GTF3C5: variants seen among roughly 807,000 people sequenced by gnomAD.
The protein encoded by GTF3C5 is general transcription factor 3C polypeptide 5.
In GTF3C5, 47 loss-of-function variants were observed where a neutral mutation model predicts 61.0. The observed-to-expected ratio is 0.77, with a 90% CI of 0.61 to 0.98. GTF3C5 has a LOEUF of 0.98. Ranked by LOEUF, GTF3C5 falls within the 50% of genes least tolerant of loss-of-function variation. The probability of loss-of-function intolerance (pLI) is 0.00; values close to 1 mark genes in which losing one functional copy is unlikely to be tolerated. For missense variants in GTF3C5, 659 were observed against 703.3 expected, an observed-to-expected ratio of 0.94 and a Z score of 0.71; for synonymous variants, 295 against 275.4, an observed-to-expected ratio of 1.07 and a Z score of -0.71.
Position 133,033,258 on chromosome 9 carries a change from G to A in GTF3C5, c.153+2094G>A, listed in dbSNP as rs147365728. Reference sequence around the variant, plus strand: ...AAACACGAGGGTCAAAGGAACCACGGGGGGCATCTCTTACTCTACGGTGTC... The same window carrying A: ...AAACACGAGGGTCAAAGGAACCACGAGGGGCATCTCTTACTCTACGGTGTC... On this transcript the variant is annotated intron_variant, in intron 1 of 10. Transcript: ENST00000372097. 3.3e-4 allele frequency among the ~76,000 whole-genome samples: 50 copies of A among 152,264 alleles called. No homozygotes were observed. In the East Asian group the frequency reaches 7.7e-3, roughly 24 times the overall value.
chr9:133,044,183 CAGT>C (rs1850134146), intron 3 of GTF3C5: 1 of 512,060 alleles, frequency 2.0e-6, no homozygotes, highest in Non-Finnish European at 3.5e-6. Context: ...AATGGGATGA[CAGT>C]AGTACTACCC....
Position 133,044,139 on chromosome 9 carries a change from T to C in GTF3C5, c.572+213T>C, listed in dbSNP as rs560446253. 335 of 309,088 alleles carry C rather than the reference T, an allele frequency of 1.1e-3. 1 individual carries two copies. The South Asian group carries it at 0.013, about 12-fold the overall frequency. 19.1% of individuals were successfully genotyped at this position (309,088 alleles called of 1,614,324 possible). ...CAGCCCGGGTGACAGAGTGAGACTTTGTCTCCCAAAAAAAAAAAAAAAAAA... is the reference window on the plus strand; with the variant it reads ...CAGCCCGGGTGACAGAGTGAGACTTCGTCTCCCAAAAAAAAAAAAAAAAAA... On this transcript the variant is annotated intron_variant, in intron 3 of 10. Coordinates refer to ENST00000372097, the MANE Select transcript of GTF3C5 (RefSeq NM_012087.4).
chr9:133,030,923 G>T, upstream of GTF3C5: 6 of 1,460,668 alleles, frequency 4.1e-6, no homozygotes, highest in Non-Finnish European at 5.7e-6. Context: ...GAGGGAGCCC[G>T]GAACGATTCC....
chr9:133,051,606 A>G (rs73662421), intron 4 of GTF3C5, among the ~76,000 whole-genome samples: 17,182 of 152,120 alleles, frequency 0.11, 2,097 homozygotes, highest in African/African-American at 0.31. Flanking sequence ...CCGCTGCCCC[A>G]GCCCCCTGGC....
At chr9:133,045,698 G>A (rs967738592) in intron 3 of GTF3C5, among the ~76,000 whole-genome samples, 3 of 152,132 alleles carry the variant, frequency 2.0e-5, no homozygotes, top group East Asian at 1.9e-4. Flanking sequence ...GTGCAGTGGC[G>A]CGATCTTGGC....
At chr9:133,046,533 G>A (rs1428331879) in intron 3 of GTF3C5, among the ~76,000 whole-genome samples, 2 of 152,176 alleles carry the variant, frequency 1.3e-5, no homozygotes, top group Non-Finnish European at 1.5e-5. Flanking sequence ...GAAGGGGTGG[G>A]AGGGCTTTCT....
chr9:133,041,005 G>A (rs924221267), intron 1 of GTF3C5, among the ~76,000 whole-genome samples: 1 of 152,206 alleles, frequency 6.6e-6, no homozygotes, highest in African/African-American at 2.4e-5. Context: ...ACAGAGATAG[G>A]AGCTGAGGGG....
rs1850346041 is a variant in GTF3C5 at position 133,050,770 on chromosome 9, T to A, written c.573-13T>A. 6.2e-7 allele frequency: 1 copy of A among 1,603,914 alleles called. No individual in the cohort carries two copies. Among genetic ancestry groups the A allele is most frequent in the African/African-American group, 1.3e-5 (1 of 74,480 alleles). ...TTGGTGCTCCTGTTCTCACCTGTAC[T>A]CTCTGCCCCCAGGGAAGGCTACAAC... On this transcript the variant is annotated splice_polypyrimidine_tract_variant and intron_variant, in intron 3 of 10. Transcript: ENST00000372097.
intron 2 of GTF3C5, among the ~76,000 whole-genome samples, chr9:133,042,624 T>C (rs1033150900): frequency 2.6e-5 from 4 of 152,186 alleles, no homozygotes; most frequent in African/African-American, 9.6e-5. Flanking sequence ...CCCACCACAG[T>C]GTTTTGAACC....
intron 1 of GTF3C5, among the ~76,000 whole-genome samples, chr9:133,037,448 C>T (rs1849899787): frequency 6.6e-6 from 1 of 152,150 alleles, no homozygotes; most frequent in Non-Finnish European, 1.5e-5. Flanking sequence ...TAGGCCTATT[C>T]TGCCTTCTAA....
At chr9:133,048,538 G>T (rs549729343) in intron 3 of GTF3C5, among the ~76,000 whole-genome samples, 2 of 152,162 alleles carry the variant, frequency 1.3e-5, no homozygotes, top group African/African-American at 2.4e-5. Context: ...GCGTGGTGGC[G>T]CATGCTTGTA....
In GTF3C5 at chr9:133,057,868, A is replaced by C; in HGVS notation, c.1448A>C (p.Glu483Ala). 1.9e-6 allele frequency: 3 copies of C among 1,613,708 alleles called. No individual in the cohort carries two copies. The highest frequency in any genetic ancestry group is 2.5e-6 in the Non-Finnish European group (3 of 1,179,962). The change falls in exon 11 of 11, where the codon GAG becomes GCG. Residue 483 changes from glutamate (E) to alanine (A), a missense_variant. Glu to Ala is a moderately radical substitution (Grantham distance 107, BLOSUM62 -1). Coordinates refer to ENST00000372097, the MANE Select transcript of GTF3C5 (RefSeq NM_012087.4). ...GGCGGAAAAGAGCAGCTGACGTACG[A>C]GTCTGGGGAAGACGAGGAGGATGAG... The part of the protein sequence containing the change: ...ADGGKEQLTY[E>A]SGEDEEDEEE...
rs1588482585 is a variant in GTF3C5 at position 133,056,791 on chromosome 9, G to A, written c.1276G>A (p.Asp426Asn). Residue 426 changes from aspartate (D) to asparagine (N), a missense_variant, in exon 10 of 11, where the codon GAC becomes AAC. By Grantham distance (23) the Asp-to-Asn change is conservative. Coordinates refer to ENST00000372097, the MANE Select transcript of GTF3C5 (RefSeq NM_012087.4). ...EELQKIIHRN[D>N]GAENSCTERD... The stretch of plus-strand genomic sequence containing the variant: ...GTTGCAGAAGATCATTCACCGCAAT[G>A]ACGGGGCAGAGAATTCCTGCACAGA... 6.2e-7 allele frequency: 1 copy of A among 1,608,922 alleles called. No individual in the cohort carries two copies. Among genetic ancestry groups the A allele is most frequent in the Non-Finnish European group, 8.5e-7 (1 of 1,177,508 alleles).
chr9:133,057,974 C>G lies in GTF3C5; in HGVS notation c.1554C>G (p.Tyr518Ter). The G allele has an allele frequency of 6.2e-7, 1 of 1,613,866 alleles. No homozygotes were observed. The highest frequency in any genetic ancestry group is 1.3e-5 in the African/African-American group (1 of 75,052). ...ENEMETEILDYV is the reference protein window; with the variant it reads ...ENEMETEILD Reference sequence around the variant, plus strand: ...AAATGGAGACAGAGATTCTGGACTACGTGTGACAGGGCCCAAGGCTGGGCC... The same window carrying G: ...AAATGGAGACAGAGATTCTGGACTAGGTGTGACAGGGCCCAAGGCTGGGCC... Residue 518 changes from tyrosine to a stop codon, truncating the protein, a stop_gained, in exon 11 of 11, where the codon TAC (tyrosine) becomes TAG (stop). Coordinates refer to ENST00000372097, the MANE Select transcript of GTF3C5 (RefSeq NM_012087.4). LOFTEE classifies it high-confidence loss of function.
At chr9:133,041,541 C>T (rs1469963506) in intron 1 of GTF3C5, among the ~76,000 whole-genome samples, 4 of 152,178 alleles carry the variant, frequency 2.6e-5, no homozygotes, top group Non-Finnish European at 5.9e-5. Flanking sequence ...CGTGACCTTA[C>T]CTATCATTGG....
At position 133,058,043 on chromosome 9, in the gene GTF3C5, G is replaced by A. The variant is rs896908305; in HGVS notation, c.*63G>A. 1.0e-5 allele frequency: 16 copies of A among 1,594,586 alleles called. No homozygotes were observed. Among genetic ancestry groups the A allele is most frequent in the Middle Eastern group, 1.7e-4 (1 of 5,940 alleles). On this transcript the variant is annotated 3_prime_UTR_variant, in exon 11 of 11. Coordinates refer to ENST00000372097, the MANE Select transcript of GTF3C5 (RefSeq NM_012087.4). ...TGGTGTCTGGCCTAATGAGGGAGCCGGGGCTCCCCATTGCCACCCACAGTG... is the reference window on the plus strand; with the variant it reads ...TGGTGTCTGGCCTAATGAGGGAGCCAGGGCTCCCCATTGCCACCCACAGTG...
chr9:133,034,375 G>A (rs1395946579), intron 1 of GTF3C5, among the ~76,000 whole-genome samples: 1 of 152,174 alleles, frequency 6.6e-6, no homozygotes, highest in Non-Finnish European at 1.5e-5. Context: ...CTTTGAGCTT[G>A]TTCGTATCTG....
Position 133,050,775 on chromosome 9 carries a change from G to GC in GTF3C5, c.573-3dup, listed in dbSNP as rs758268248. 77 of 1,606,768 alleles carry GC rather than the reference G, an allele frequency of 4.8e-5. 1 individual carries two copies. In the African/African-American group the frequency reaches 8.7e-4, roughly 18 times the overall value. ...GCTCCTGTTCTCACCTGTACTCTCTGCCCCCAGGGAAGGCTACAACAATCC... is the reference window on the plus strand; with the variant it reads ...GCTCCTGTTCTCACCTGTACTCTCTGCCCCCCAGGGAAGGCTACAACAATCC... On this transcript the variant is annotated splice_polypyrimidine_tract_variant and splice_region_variant and intron_variant, in intron 3 of 10. Coordinates refer to ENST00000372097, the MANE Select transcript of GTF3C5 (RefSeq NM_012087.4).
chr9:133,043,313 C>T (rs796862577), intron 2 of GTF3C5, among the ~76,000 whole-genome samples: 2 of 152,306 alleles, frequency 1.3e-5, no homozygotes, highest in African/African-American at 4.8e-5. Flanking sequence ...CTGTGTGTGT[C>T]TCTGGACTGG....
Sources: gnomAD v4.1 joint callset for allele counts (sites outside exome capture counted in the v4.1 genomes callset) on GRCh38, gnomAD v4.1.1 for gene constraint, MANE v1.5 for transcripts, NCBI Gene and HGNC (gene_info 2026-07-23, HGNC 2026-07-21) for gene names.